Variants in RGS7 observed in about 807,000 individuals in gnomAD.
RGS7 encodes the protein regulator of G-protein signaling 7.
Under a neutral mutation model 81.1 loss-of-function variants are expected in RGS7, and 27 were observed. That is an observed-to-expected ratio of 0.33 (90% CI 0.25 to 0.46). The LOEUF is 0.46. RGS7 is among the 20% of genes least tolerant of loss of function. The pLI is 1.00. For missense variants in RGS7, 396 were observed against 607.4 expected (o/e 0.65, Z 3.66); for synonymous variants, 208 against 207.7 (o/e 1.00, Z -0.01).
chr1:241,231,006 G>A (rs1461248125), intron 2 of RGS7, among the ~76,000 whole-genome samples: 5 of 152,016 alleles, frequency 3.3e-5, no homozygotes, highest in Admixed American at 6.6e-5. Context: ...GTTGTTGGTC[G>A]TACTCCCTCC....
intron 3 of RGS7, among the ~76,000 whole-genome samples, chr1:241,048,203 G>A (rs1201393296): frequency 1.3e-5 from 2 of 152,074 alleles, no homozygotes; most frequent in Non-Finnish European, 2.9e-5. Context: ...CTTTAGATCC[G>A]TCTATGTTCG....
intron 2 of RGS7, among the ~76,000 whole-genome samples, chr1:241,329,200 T>A (rs1481722488): frequency 6.6e-6 from 1 of 152,192 alleles, no homozygotes; most frequent in East Asian, 1.9e-4. Context: ...TGAACTTGTA[T>A]CCACACCAAA....
At chr1:241,125,426 G>GGA (rs1311936914) in intron 2 of RGS7, among the ~76,000 whole-genome samples, 5 of 97,144 alleles carry the variant, frequency 5.1e-5, no homozygotes, top group African/African-American at 2.8e-4. Context: ...ACAAAGACAT[G>GGA]GACACACACA....
chr1:241,173,458 GTT>G (rs1358338252), intron 2 of RGS7, among the ~76,000 whole-genome samples: 1 of 152,188 alleles, frequency 6.6e-6, no homozygotes, highest in Non-Finnish European at 1.5e-5. Flanking sequence ...GAAACTGGTT[GTT>G]TGGATTTAGA....
At chr1:240,983,757 G>A (rs912566538) in intron 3 of RGS7, among the ~76,000 whole-genome samples, 11 of 152,212 alleles carry the variant, frequency 7.2e-5, no homozygotes, top group East Asian at 1.9e-4. Flanking sequence ...TTTTATTGTC[G>A]TGTTGATCAC....
At chr1:241,344,657 A>G (rs2148712615) in intron 2 of RGS7, among the ~76,000 whole-genome samples, 1 of 152,318 alleles carries the variant, frequency 6.6e-6, no homozygotes, top group South Asian at 2.1e-4. Context: ...CTGCTAGCCA[A>G]TTTAGACAGC....
rs368445300 is a variant in RGS7 at position 241,351,316 on chromosome 1, G to A, written c.78+4383C>T. 7.2e-5 allele frequency among the ~76,000 whole-genome samples: 11 copies of A among 152,076 alleles called. No individual in the cohort carries two copies. In the East Asian group the frequency reaches 7.7e-4, roughly 11 times the overall value. On this transcript the variant is annotated intron_variant, in intron 2 of 18. Coordinates refer to ENST00000440928, the MANE Select transcript of RGS7 (RefSeq NM_001364886.1). ...CACCTGTAGTCCCAGCTACTTGGGA[G>A]GCTGAGGTGGGAGGATAGCTTGAGC...
At position 240,868,696 on chromosome 1, in the gene RGS7, T is replaced by C. The variant is rs765772251; in HGVS notation, c.528-28A>G. The C allele has an allele frequency of 5.0e-6, 8 of 1,608,202 alleles. No homozygotes were observed. Among genetic ancestry groups the C allele is most frequent in the East Asian group, 2.2e-5 (1 of 44,866 alleles). ...GTCAACACAGTAACAATAGATAACATTTAGTATTAATTGTAGTGCCTCTCT... is the reference window on the plus strand; with the variant it reads ...GTCAACACAGTAACAATAGATAACACTTAGTATTAATTGTAGTGCCTCTCT... On this transcript the variant is annotated intron_variant, in intron 8 of 18. Coordinates refer to ENST00000440928, the MANE Select transcript of RGS7 (RefSeq NM_001364886.1). This position sits in a 1 kb window ranked among gnomAD's most constrained non-coding sequence, Gnocchi z 5.1.
chr1:241,221,110 AG>A (rs1236078231), intron 2 of RGS7, among the ~76,000 whole-genome samples: 6 of 150,348 alleles, frequency 4.0e-5, no homozygotes, highest in African/African-American at 1.5e-4. Flanking sequence ...GAAGGAAGGA[AG>A]GAAGGGAGGG....
chr1:240,832,863 C>G (rs1694077421), intron 9 of RGS7, among the ~76,000 whole-genome samples: 1 of 152,094 alleles, frequency 6.6e-6, no homozygotes, highest in South Asian at 2.1e-4. Flanking sequence ...TGGGAAAATT[C>G]AGGTTTCAAA....
At chr1:241,268,441 G>A (rs2077705233) in intron 2 of RGS7, among the ~76,000 whole-genome samples, 2 of 152,136 alleles carry the variant, frequency 1.3e-5, no homozygotes, top group Admixed American at 1.3e-4. Flanking sequence ...CCCAAGTTGT[G>A]CCAATGAAAA....
intron 2 of RGS7, among the ~76,000 whole-genome samples, chr1:241,180,387 AAAAAC>A (rs2071515511): frequency 1.3e-5 from 2 of 152,224 alleles, no homozygotes; most frequent in South Asian, 4.2e-4. Context: ...AAAAAACCAA[AAAAAC>A]AAAACAACAA....
At chr1:240,896,851 T>C (rs970811050) in intron 6 of RGS7, among the ~76,000 whole-genome samples, 3 of 152,236 alleles carry the variant, frequency 2.0e-5, no homozygotes, top group African/African-American at 4.8e-5. Flanking sequence ...GGGGATAGCA[T>C]TGCATCTATA....
intron 2 of RGS7, among the ~76,000 whole-genome samples, chr1:241,167,279 G>A (rs2070337744): frequency 6.6e-6 from 1 of 152,114 alleles, no homozygotes; most frequent in African/African-American, 2.4e-5. Flanking sequence ...TTGGCCGGGG[G>A]CAGACTGAAG....
intron 2 of RGS7, among the ~76,000 whole-genome samples, chr1:241,192,541 C>T (rs1412443816): frequency 6.6e-6 from 1 of 152,064 alleles, no homozygotes; most frequent in Non-Finnish European, 1.5e-5. Context: ...AAACAGAAGT[C>T]ATCCAGGATT....
At chr1:240,875,170 G>T (rs1196791712) in intron 6 of RGS7, among the ~76,000 whole-genome samples, 1 of 152,098 alleles carries the variant, frequency 6.6e-6, no homozygotes, top group Non-Finnish European at 1.5e-5. Flanking sequence ...GAAACTTTGC[G>T]CTCTTTAACC....
intron 18 of RGS7, among the ~76,000 whole-genome samples, chr1:240,799,484 C>T (rs919435072): frequency 6.6e-6 from 1 of 151,892 alleles, no homozygotes. Flanking sequence ...CACCCTAACA[C>T]CCAGTAGAAA....
At chr1:240,982,739 TA>T (rs1558555800) in intron 4 of RGS7, among the ~76,000 whole-genome samples, 1 of 152,206 alleles carries the variant, frequency 6.6e-6, no homozygotes, top group African/African-American at 2.4e-5. Context: ...ATGTGTCTTA[TA>T]GAAGGAAAGT....
At chr1:241,155,856 G>A (rs1281386327) in intron 2 of RGS7, among the ~76,000 whole-genome samples, 1 of 152,098 alleles carries the variant, frequency 6.6e-6, no homozygotes, top group African/African-American at 2.4e-5. Context: ...AGGCCAAATG[G>A]ATCATAGGCT....
Sources: allele counts gnomAD v4.1 joint callset (sites outside exome capture counted in the v4.1 genomes callset), GRCh38; gene constraint gnomAD v4.1.1; non-coding constraint Gnocchi (gnomAD v3.1); transcripts MANE v1.5; gene names NCBI Gene and HGNC (gene_info 2026-07-23, HGNC 2026-07-21).